BBOF1: variants seen among roughly 807,000 people sequenced by gnomAD.
BBOF1 encodes the protein basal body-orientation factor 1.
A neutral mutation model predicts 68.0 loss-of-function variants in BBOF1; 62 were observed. The observed-to-expected ratio is 0.91, with a 90% CI of 0.74 to 1.13. The LOEUF (loss-of-function observed/expected upper bound fraction) is 1.13. Ranked by LOEUF, BBOF1 falls within the 50% of genes most tolerant of loss-of-function variation. The pLI, the probability that BBOF1 is intolerant of heterozygous loss-of-function variation, is 0.00. For synonymous variants in BBOF1, 208 were observed against 198.8 expected, an observed-to-expected ratio of 1.05 and a Z score of -0.39; for missense variants, 534 against 600.1, an observed-to-expected ratio of 0.89 and a Z score of 1.15.
intron 9 of BBOF1, chr14:74,072,482 C>T (rs2060563670): frequency 2.5e-6 from 4 of 1,613,204 alleles, no homozygotes; most frequent in Admixed American, 3.3e-5. Flanking sequence ...TCTTGCCCAT[C>T]ATGTCCCTAG....
chr14:74,025,847 G>A (rs2059411363), intron 2 of BBOF1, among the ~76,000 whole-genome samples: 1 of 151,892 alleles, frequency 6.6e-6, no homozygotes, highest in Non-Finnish European at 1.5e-5. Flanking sequence ...ATGAGGCTGG[G>A]CTGTTCATGG....
rs1411866266 is a variant in BBOF1, at chr14:74,019,500, A to G, written c.22A>G (p.Lys8Glu). The G allele has an allele frequency of 6.2e-7, 1 of 1,606,144 alleles. No homozygotes were observed. Among genetic ancestry groups the G allele is most frequent in the Admixed American group, 1.7e-5 (1 of 59,074 alleles). Residue 8 changes from lysine (K) to glutamate (E), a missense_variant, in exon 1 of 12, where the codon AAA (lysine) becomes GAA (glutamate). Coordinates refer to ENST00000394009, the MANE Select transcript of BBOF1 (RefSeq NM_025057.3). ...CAAGATGCCGTCGAAGGGAAAGGAC[A>G]AAAAGAAAGGCAAGAGCAAAGGCAA... is the stretch of plus-strand genomic sequence containing the variant. Reference protein sequence around the residue: MPSKGKDKKKGKSKGKDT... With the variant: MPSKGKDEKKGKSKGKDT...
intron 11 of BBOF1, among the ~76,000 whole-genome samples, chr14:74,061,168 G>A (rs982200485): frequency 8.6e-5 from 13 of 151,930 alleles, no homozygotes; most frequent in Admixed American, 2.6e-4. Context: ...AGTGGAGATG[G>A]GGTTTCACCA....
downstream of BBOF1, chr14:74,069,323 T>A (rs2060517482): frequency 3.0e-6 from 1 of 334,698 alleles, no homozygotes; most frequent in African/African-American, 2.2e-5. Context: ...AGGCTGGTCT[T>A]GAACTCCTGA....
intron 4 of BBOF1, 38 bp downstream of exon 4, chr14:74,034,209 A>G: frequency 7.1e-7 from 1 of 1,418,160 alleles, no homozygotes; most frequent in Non-Finnish European, 9.4e-7. Flanking sequence ...GGAAATTAGA[A>G]TTAACTATTT....
At chr14:74,075,600 T>C (rs2060603957) in intron 9 of BBOF1, among the ~76,000 whole-genome samples, 2 of 151,622 alleles carry the variant, frequency 1.3e-5, no homozygotes, top group South Asian at 4.2e-4. Flanking sequence ...GAGGCTGCAG[T>C]GAACCGTGAT....
intron 2 of BBOF1, among the ~76,000 whole-genome samples, chr14:74,027,277 G>C (rs2059453019): frequency 6.6e-6 from 1 of 151,398 alleles, no homozygotes; most frequent in Admixed American, 6.6e-5. Flanking sequence ...AGTAAAGACG[G>C]GGTTTCACTG....
At chr14:74,068,768 A>T (rs188526190), downstream of BBOF1, 3 of 1,411,242 alleles carry the variant, frequency 2.1e-6, no homozygotes, top group African/African-American at 4.3e-5. Context: ...CTGACATTGG[A>T]GTGGGATGAG....
intron 2 of BBOF1, 81 bp from the exon 3 acceptor site, chr14:74,029,102 TG>T: frequency 1.2e-6 from 1 of 822,706 alleles, no homozygotes; most frequent in Middle Eastern, 2.7e-4. Flanking sequence ...GTTTTAGTAT[TG>T]TGTGAAACTA....
intron 9 of BBOF1, among the ~76,000 whole-genome samples, chr14:74,076,125 AT>A (rs1211352345): frequency 6.6e-6 from 1 of 152,148 alleles, no homozygotes; most frequent in Non-Finnish European, 1.5e-5. Context: ...TTGTGATGCT[AT>A]TTTCACAGGT....
intron 3 of BBOF1, among the ~76,000 whole-genome samples, chr14:74,030,610 C>G (rs1344859583): frequency 6.6e-6 from 1 of 151,996 alleles, no homozygotes; most frequent in Non-Finnish European, 1.5e-5. Context: ...ATTCTCCTGC[C>G]TCAGCCTCTC....
intron 1 of BBOF1, among the ~76,000 whole-genome samples, chr14:74,020,112 T>G (rs537203036): frequency 2.6e-5 from 4 of 152,312 alleles, no homozygotes; most frequent in African/African-American, 9.6e-5. Context: ...AAATCACCTG[T>G]AGTCTCATTA....
rs899657235 is a variant in BBOF1, at chr14:74,049,841, T to C, written c.932T>C (p.Leu311Ser). 1 of 1,614,012 alleles carries C rather than the reference T, an allele frequency of 6.2e-7. No individual in the cohort carries two copies. The highest frequency in any genetic ancestry group is 1.3e-5 in the African/African-American group (1 of 74,912). Residue 311 changes from leucine to serine, a missense_variant, in exon 8 of 12, where the codon TTA (leucine) becomes TCA (serine). Transcript: ENST00000394009. ...ACCAAAGAGTTTGAGAGTGAAGTTT[T>C]AAAACTGCAGCAACACGCAATGATA... ...YMTKEFESEV[L>S]KLQQHAMIEN... is the part of the protein sequence containing the mutation.
intron 3 of BBOF1, 84 bp downstream of exon 3, chr14:74,029,333 T>A: frequency 1.2e-6 from 1 of 809,982 alleles, no homozygotes; most frequent in Non-Finnish European, 2.1e-6. Flanking sequence ...CCAATGACAG[T>A]GAGTGAGTAA....
Position 74,065,658 on chromosome 14 carries a change from G to T in BBOF1, c.*959G>T. The T allele has an allele frequency of 3.0e-6, 1 of 337,126 alleles. No homozygotes were observed. Among genetic ancestry groups the T allele is most frequent in the South Asian group, 3.6e-5 (1 of 27,992 alleles). The allele number at this position is 337,126 out of a possible 1,614,324, so 20.9% of individuals were successfully genotyped here. A position where few individuals can be genotyped will look rare whatever the true frequency, so the allele number is the denominator to read the frequency against. On this transcript the variant is annotated 3_prime_UTR_variant, in exon 12 of 12. Transcript: ENST00000394009. The stretch of plus-strand genomic sequence containing the variant: ...TCAGCTGCCTTTTTAATACCTGAAC[G>T]ACTAGTTTCATCCAATTGTTATCAA...
chr14:74,056,782 ACGTATAC>A (rs2060219985), intron 9 of BBOF1, 117 bp from the exon 10 acceptor site: 3 of 663,036 alleles, frequency 4.5e-6, no homozygotes, highest in East Asian at 5.6e-5. Context: ...CCCCACAAAT[ACGTATAC>A]CTACTATCAC....
chr14:74,068,923 G>T, downstream of BBOF1: 3 of 1,613,990 alleles, frequency 1.9e-6, no homozygotes, highest in Non-Finnish European at 2.5e-6. Flanking sequence ...CTCCTGCCTT[G>T]TTGGATCCCA....
Position 74,065,503 on chromosome 14 carries a change from T to A in BBOF1, c.*804T>A. On this transcript the variant is annotated 3_prime_UTR_variant, in exon 12 of 12. Transcript: ENST00000394009. ...ATCTCTTTTCATTTCAAATCACCTA[T>A]TTAAAAAAAAAGTCCTCTCTCAAGT... 2 of 814,326 alleles carry A rather than the reference T, an allele frequency of 2.5e-6. No homozygotes were observed. Among genetic ancestry groups the A allele is most frequent in the African/African-American group, 1.7e-5 (1 of 57,742 alleles). The allele number at this position is 814,326 out of a possible 1,614,324, so 50.4% of individuals were successfully genotyped here.
At position 74,029,186 on chromosome 14, in the gene BBOF1, T is replaced by A; in HGVS notation, c.288T>A (p.Ile96=). 6.4e-7 allele frequency: 1 copy of A among 1,553,318 alleles called. No homozygotes were observed. ...KKQDQEKDNM[I]EKLKQQLNET... is the part of the protein sequence containing the mutation. ...CCCTGTATTTTGATTTTCAACAGAT[T>A]GAAAAACTGAAACAGCAATTAAATG... The change falls in exon 3 of 12, where the codon ATT becomes ATA. Residue 96 remains isoleucine, a splice_region_variant and synonymous_variant. Transcript: ENST00000394009.
Sources: allele counts gnomAD v4.1 joint callset (sites outside exome capture counted in the v4.1 genomes callset), GRCh38; gene constraint gnomAD v4.1.1; transcripts MANE v1.5; gene names NCBI Gene and HGNC (gene_info 2026-07-23, HGNC 2026-07-21).